CPNE4: variants seen among roughly 807,000 people sequenced by gnomAD.
The protein encoded by CPNE4 is copine 4, also known as copine-4.
CPNE4 carries 25 observed loss-of-function variants against 67.9 expected under a neutral mutation model. That is an observed-to-expected ratio of 0.37 (90% CI 0.27 to 0.51). The LOEUF (loss-of-function observed/expected upper bound fraction) is 0.51. Among genes scored for constraint, CPNE4 ranks in the 20% least tolerant of loss-of-function variants. The probability of loss-of-function intolerance (pLI) is 0.93; values close to 1 mark genes in which losing one functional copy is unlikely to be tolerated. For synonymous variants in CPNE4, 242 were observed against 244.9 expected (o/e 0.99, Z 0.11); for missense variants, 464 against 690.8 (o/e 0.67, Z 3.68).
intron 2 of CPNE4, among the ~76,000 whole-genome samples, chr3:131,866,335 G>T (rs1583362807): frequency 6.6e-6 from 1 of 152,200 alleles, no homozygotes; most frequent in African/African-American, 2.4e-5. Flanking sequence ...GTACCACAAT[G>T]CTAGGGCTGA....
intron 7 of CPNE4, among the ~76,000 whole-genome samples, chr3:131,615,962 T>C (rs1257116977): frequency 2.0e-5 from 3 of 149,088 alleles, no homozygotes; most frequent in African/African-American, 5.0e-5. Flanking sequence ...AAAGAACATT[T>C]GCTACTCCAC....
intron 3 of CPNE4, among the ~76,000 whole-genome samples, chr3:131,701,179 C>T (rs1472620540): frequency 6.6e-6 from 1 of 151,408 alleles, no homozygotes; most frequent in East Asian, 1.9e-4. Context: ...ATCAACATGG[C>T]ACATGTATAC....
chr3:132,025,470 G>A (rs555872556), intron 1 of CPNE4, among the ~76,000 whole-genome samples: 16 of 152,310 alleles, frequency 1.1e-4, no homozygotes, highest in Admixed American at 4.6e-4. Flanking sequence ...AACAGAGAGA[G>A]AGGAGAGGAG....
At chr3:131,989,271 G>A (rs1321285159) in intron 1 of CPNE4, among the ~76,000 whole-genome samples, 2 of 152,190 alleles carry the variant, frequency 1.3e-5, no homozygotes, top group Non-Finnish European at 2.9e-5. Context: ...CAGATTCAAC[G>A]TGAAAATATA....
At chr3:131,965,488 T>C (rs112658456) in intron 1 of CPNE4, among the ~76,000 whole-genome samples, 3,402 of 152,246 alleles carry the variant, frequency 0.022, 58 homozygotes, top group South Asian at 0.066. Context: ...CCATCTCACA[T>C]GCAAAGACAC....
chr3:131,719,042 G>A (rs369554710), intron 3 of CPNE4, among the ~76,000 whole-genome samples: 2 of 152,200 alleles, frequency 1.3e-5, no homozygotes, highest in African/African-American at 2.4e-5. Flanking sequence ...CAATATGAGA[G>A]GGTGGTTGCC....
At chr3:131,849,726 G>A (rs376768703) in intron 2 of CPNE4, among the ~76,000 whole-genome samples, 22 of 152,100 alleles carry the variant, frequency 1.4e-4, no homozygotes, top group African/African-American at 4.1e-4. Context: ...GTAGAATATA[G>A]CCTGGCTAGC....
intron 1 of CPNE4, among the ~76,000 whole-genome samples, chr3:131,979,781 T>A (rs1583553511): frequency 9.8e-6 from 1 of 102,302 alleles, no homozygotes; most frequent in African/African-American, 2.7e-5. Flanking sequence ...GTATTTTTGT[T>A]TTATAGGTCC....
intron 1 of CPNE4, among the ~76,000 whole-genome samples, chr3:131,910,137 C>T (rs1465093201): frequency 6.6e-6 from 1 of 152,084 alleles, no homozygotes. Flanking sequence ...ACTTTCTTCC[C>T]TCTGCTCAGG....
intron 10 of CPNE4, among the ~76,000 whole-genome samples, chr3:131,567,356 G>A (rs1025615334): frequency 6.6e-6 from 1 of 151,936 alleles, no homozygotes; most frequent in Non-Finnish European, 1.5e-5. Context: ...AGATAAGTGT[G>A]TGTAATGTCT....
chr3:131,828,250 G>A (rs760462497), intron 2 of CPNE4, among the ~76,000 whole-genome samples: 27 of 151,990 alleles, frequency 1.8e-4, no homozygotes, highest in Non-Finnish European at 2.9e-5. Flanking sequence ...AATGAGTTTT[G>A]GCAAATGTAT....
intron 2 of CPNE4, among the ~76,000 whole-genome samples, chr3:131,880,836 T>A (rs1179164390): frequency 6.6e-6 from 1 of 152,234 alleles, no homozygotes; most frequent in Non-Finnish European, 1.5e-5. Flanking sequence ...ATAGGTTGCT[T>A]TGAACACAAG....
intron 7 of CPNE4, among the ~76,000 whole-genome samples, chr3:131,659,630 A>G (rs2080073469): frequency 6.6e-6 from 1 of 152,244 alleles, no homozygotes; most frequent in Non-Finnish European, 1.5e-5. Context: ...AATCAAAGAC[A>G]GAGCATGACC....
intron 2 of CPNE4, among the ~76,000 whole-genome samples, chr3:131,860,666 T>A (rs372924286): frequency 1.7e-4 from 26 of 152,150 alleles, no homozygotes; most frequent in African/African-American, 6.3e-4. Context: ...ATTAAATTAA[T>A]CAAACTCAAA....
intron 7 of CPNE4, among the ~76,000 whole-genome samples, chr3:131,619,267 G>C (rs1940333173): frequency 6.6e-6 from 1 of 152,182 alleles, no homozygotes; most frequent in Non-Finnish European, 1.5e-5. Flanking sequence ...CTGTGTAGCA[G>C]GGAGAGCTCT....
intron 7 of CPNE4, among the ~76,000 whole-genome samples, chr3:131,614,276 A>G (rs541390913): frequency 1.3e-5 from 2 of 152,334 alleles, no homozygotes; most frequent in South Asian, 2.1e-4. Flanking sequence ...ACTATGTACA[A>G]ATGAGTTTAA....
At chr3:131,909,823 C>T (rs187215041) in intron 1 of CPNE4, among the ~76,000 whole-genome samples, 2 of 151,908 alleles carry the variant, frequency 1.3e-5, no homozygotes, top group East Asian at 3.9e-4. Context: ...AGTTCTTGCT[C>T]TGAATTATTA....
chr3:131,755,033 T>C (rs1431962718), intron 2 of CPNE4, among the ~76,000 whole-genome samples: 1 of 152,250 alleles, frequency 6.6e-6, no homozygotes, highest in East Asian at 1.9e-4. Flanking sequence ...AAATTGTGTA[T>C]GTCGAAAAGT....
chr3:131,932,371 C>T (rs1168804221), intron 1 of CPNE4, among the ~76,000 whole-genome samples: 1 of 152,042 alleles, frequency 6.6e-6, no homozygotes, highest in East Asian at 1.9e-4. Flanking sequence ...ATCCAGTCAA[C>T]ATATATCAAT....
Sources: allele counts gnomAD v4.1 joint callset (sites outside exome capture counted in the v4.1 genomes callset), GRCh38; gene constraint gnomAD v4.1.1; transcripts MANE v1.5; gene names NCBI Gene and HGNC (gene_info 2026-07-23, HGNC 2026-07-21).